Variants in ATP8B4 observed in about 807,000 individuals in gnomAD.
The protein encoded by ATP8B4 is ATPase phospholipid transporting 8B4 (putative).
In ATP8B4, 133 loss-of-function variants were observed where a neutral mutation model predicts 145.6. The observed-to-expected ratio is 0.91, with a 90% CI of 0.79 to 1.05. The LOEUF (loss-of-function observed/expected upper bound fraction) is 1.05. ATP8B4 is among the 50% of genes least tolerant of loss of function. The pLI is 0.00. For synonymous variants in ATP8B4, 507 were observed against 492.9 expected, an observed-to-expected ratio of 1.03 and a Z score of -0.38; for missense variants, 1,458 against 1,425.2, an observed-to-expected ratio of 1.02 and a Z score of -0.37.
chr15:50,034,108 T>C (rs2050650443), intron 6 of ATP8B4, among the ~76,000 whole-genome samples: 1 of 152,144 alleles, frequency 6.6e-6, no homozygotes, highest in Non-Finnish European at 1.5e-5. Flanking sequence ...CAAATAGTAG[T>C]TCTGTTTTAG....
chr15:49,861,477 C>CTATCTAT (rs1566884802), intron 27 of ATP8B4, among the ~76,000 whole-genome samples: 1 of 138,992 alleles, frequency 7.2e-6, no homozygotes, highest in African/African-American at 2.8e-5. Flanking sequence ...TATCTATCTA[C>CTATCTAT]CTACCTACCT....
At chr15:49,896,722 G>A (rs991306794) in intron 23 of ATP8B4, 1 of 152,076 alleles carries the variant, frequency 6.6e-6, no homozygotes, top group African/African-American at 2.4e-5. Flanking sequence ...GAAGATGTGT[G>A]GTTAAATAAC....
intron 24 of ATP8B4, among the ~76,000 whole-genome samples, chr15:49,878,159 C>T (rs1211002550): frequency 6.6e-6 from 1 of 152,084 alleles, no homozygotes; most frequent in Non-Finnish European, 1.5e-5. Flanking sequence ...CCATCTTTTC[C>T]CAGAAACTGC....
In ATP8B4 at chr15:49,876,286, T is replaced by A; in HGVS notation, c.3019A>T (p.Ser1007Cys). ...TACACCGACAGCGTTACCTGCACAC[T>A]GACCACAATGACCAAAGATGTGGCC... Reference protein sequence around the residue: ...TMATSLVIVVSVQIALDTSYW... With the variant: ...TMATSLVIVVCVQIALDTSYW... The change falls in exon 25 of 28, where the codon AGT (serine) becomes TGT (cysteine). Residue 1007 changes from serine to cysteine, a missense_variant. By Grantham distance (112) the Ser-to-Cys change is moderately radical. Transcript: ENST00000284509. 1 of 1,614,058 alleles carries A rather than the reference T, an allele frequency of 6.2e-7. No homozygotes were observed. The highest frequency in any genetic ancestry group is 1.1e-5 in the South Asian group (1 of 91,084).
intron 18 of ATP8B4, among the ~76,000 whole-genome samples, chr15:49,919,350 T>A (rs1442781099): frequency 1.3e-5 from 2 of 152,154 alleles, no homozygotes; most frequent in Non-Finnish European, 2.9e-5. Flanking sequence ...TAGTCATTCT[T>A]CTACATTAAC....
At chr15:49,894,797 C>T (rs902488779) in intron 23 of ATP8B4, 8 of 152,330 alleles carry the variant, frequency 5.3e-5, no homozygotes, top group Admixed American at 3.9e-4. Flanking sequence ...ACTGGAGGCA[C>T]GTCGGAATGG....
At chr15:49,905,181 C>A (rs16963042) in intron 20 of ATP8B4, among the ~76,000 whole-genome samples, 9,912 of 152,200 alleles carry the variant, frequency 0.065, 1,109 homozygotes, top group African/African-American at 0.23. Flanking sequence ...AAATTTGAAA[C>A]AAGCCGTATG....
chr15:49,921,720 A>G (rs2040278821), intron 17 of ATP8B4, among the ~76,000 whole-genome samples: 1 of 152,234 alleles, frequency 6.6e-6, no homozygotes, highest in Non-Finnish European at 1.5e-5. Flanking sequence ...AGGTAAATAG[A>G]AAAGTCAATG....
At chr15:50,119,956 G>A (rs1307006229), upstream of ATP8B4, among the ~76,000 whole-genome samples, 1 of 151,262 alleles carries the variant, frequency 6.6e-6, no homozygotes, top group African/African-American at 2.5e-5. Flanking sequence ...ACATCTTTTA[G>A]TTTGGAATTG....
intron 26 of ATP8B4, among the ~76,000 whole-genome samples, chr15:49,865,184 G>A (rs973649269): frequency 6.6e-6 from 1 of 152,170 alleles, no homozygotes; most frequent in Admixed American, 6.5e-5. Context: ...GACTTTATCA[G>A]TCATGCCTAT....
At chr15:50,110,045 C>G (rs2056864993) in intron 1 of ATP8B4, among the ~76,000 whole-genome samples, 1 of 152,106 alleles carries the variant, frequency 6.6e-6, no homozygotes, top group African/African-American at 2.4e-5. Context: ...TCTTTGAAAC[C>G]TTTTATTTTG....
chr15:49,906,776 A>G (rs1321011237), intron 20 of ATP8B4, among the ~76,000 whole-genome samples: 1 of 152,214 alleles, frequency 6.6e-6, no homozygotes, highest in Non-Finnish European at 1.5e-5. Context: ...AAAGGAGCAG[A>G]GTAGGAAGAA....
chr15:50,072,682 A>G (rs1434165465), intron 3 of ATP8B4, among the ~76,000 whole-genome samples: 3 of 151,408 alleles, frequency 2.0e-5, no homozygotes, highest in Non-Finnish European at 4.4e-5. Context: ...AGTGAGTGCA[A>G]TGGTGCGATC....
chr15:49,932,114 T>C (rs12148767), intron 15 of ATP8B4, among the ~76,000 whole-genome samples: 1 of 151,496 alleles, frequency 6.6e-6, no homozygotes, highest in African/African-American at 2.4e-5. Flanking sequence ...TAATTAGGCA[T>C]AGCTAGACCC....
chr15:50,158,436 TG>T (rs533764129), intron 1 of ATP8B4, among the ~76,000 whole-genome samples: 3 of 140,348 alleles, frequency 2.1e-5, no homozygotes, highest in East Asian at 2.2e-4. Flanking sequence ...AGGAGGGAGG[TG>T]GGGGGTCAGA....
Position 49,898,164 on chromosome 15 carries a change from G to T in ATP8B4, c.2377C>A (p.Leu793Ile), listed in dbSNP as rs2037622589. 1 of 1,613,830 alleles carries T rather than the reference G, an allele frequency of 6.2e-7. No individual in the cohort carries two copies. ...KTVICCRVTP[L>I]QKAQVVELVK... ...AGCTCTACCACTTGGGCTTTCTGGA[G>T]TGGAGTGACCCTGCAGCAAATTACA... The change falls in exon 22 of 28, where the codon CTC becomes ATC. Residue 793 changes from leucine (L) to isoleucine (I), a missense_variant. Transcript: ENST00000284509.
At chr15:50,095,521 C>A (rs2055917410) in intron 2 of ATP8B4, among the ~76,000 whole-genome samples, 1 of 152,014 alleles carries the variant, frequency 6.6e-6, no homozygotes, top group Admixed American at 6.6e-5. Flanking sequence ...CTTTAGGAGG[C>A]CCAGGGTGAA....
At chr15:49,995,100 A>C (rs2047319315) in intron 9 of ATP8B4, among the ~76,000 whole-genome samples, 1 of 152,154 alleles carries the variant, frequency 6.6e-6, no homozygotes, top group Non-Finnish European at 1.5e-5. Context: ...TTATAACTGC[A>C]TCATAGTGTA....
chr15:50,106,874 A>G (rs770926236), intron 2 of ATP8B4, 65 bp downstream of exon 2: 12 of 1,483,752 alleles, frequency 8.1e-6, no homozygotes, highest in Non-Finnish European at 1.1e-5. Context: ...TTAAACTTCC[A>G]TGAAAAAATT....
Sources: allele counts gnomAD v4.1 joint callset (sites outside exome capture counted in the v4.1 genomes callset), GRCh38; gene constraint gnomAD v4.1.1; transcripts MANE v1.5; gene names NCBI Gene and HGNC (gene_info 2026-07-23, HGNC 2026-07-21).